SLC1A6: variants seen among roughly 807,000 people sequenced by gnomAD.
SLC1A6 encodes the protein solute carrier family 1 member 6, also known as excitatory amino acid transporter 4.
SLC1A6 carries 15 observed loss-of-function variants against 42.1 expected under a neutral mutation model. The observed-to-expected ratio is 0.36, with a 90% CI of 0.24 to 0.55. The LOEUF is 0.55. Ranked by LOEUF, SLC1A6 falls within the 20% of genes least tolerant of loss-of-function variation. SLC1A6 has a pLI of 0.88. For missense variants in SLC1A6, 542 were observed against 772.5 expected (o/e 0.70, Z 3.54); for synonymous variants, 317 against 319.7 (o/e 0.99, Z 0.09).
intron 4 of SLC1A6, among the ~76,000 whole-genome samples, chr19:14,967,276 C>G (rs2045585271): frequency 6.6e-6 from 1 of 152,124 alleles, no homozygotes; most frequent in Non-Finnish European, 1.5e-5. Flanking sequence ...GAGCCTGTCC[C>G]CTTTGTCTCT....
chr19:14,984,409 T>C (rs2045782958), upstream of SLC1A6, among the ~76,000 whole-genome samples: 1 of 152,190 alleles, frequency 6.6e-6, no homozygotes, highest in South Asian at 2.1e-4. Flanking sequence ...CTGTATCTGC[T>C]TCTGCATTGA....
rs768996035 is a variant in SLC1A6, at chr19:14,971,829, C to T, written c.251G>A (p.Arg84His). The T allele has an allele frequency of 2.5e-5, 40 of 1,614,020 alleles. No individual in the cohort carries two copies. The highest frequency in any genetic ancestry group is 3.2e-5 in the Non-Finnish European group (38 of 1,180,018). ...FALRPYQLTY[R>H]QIKYFSFPGE... is the part of the protein sequence containing the mutation. ...AGGAAAAGAGAAGTACTTGATCTGG[C>T]GGTAGGTGAGCTGATATGGGCGCAG... Residue 84 changes from arginine to histidine, a missense_variant, in exon 3 of 10, where the codon CGC (arginine) becomes CAC (histidine). Arg to His is a conservative substitution (Grantham distance 29, BLOSUM62 0). Transcript: ENST00000594383.
intron 3 of SLC1A6, among the ~76,000 whole-genome samples, chr19:14,968,902 C>T (rs1021568356): frequency 2.6e-5 from 4 of 151,496 alleles, no homozygotes; most frequent in Admixed American, 2.0e-4. Flanking sequence ...TGCAATGGTG[C>T]GATCTCAGCT....
chr19:15,004,735 G>A (rs1224438002), intron 1 of SLC1A6, among the ~76,000 whole-genome samples: 5 of 151,696 alleles, frequency 3.3e-5, no homozygotes, highest in Non-Finnish European at 7.4e-5. Context: ...ATTTCATTAT[G>A]TTTCCCATAT....
At chr19:15,004,520 T>TA (rs1424567104) in intron 1 of SLC1A6, among the ~76,000 whole-genome samples, 1 of 117,674 alleles carries the variant, frequency 8.5e-6, no homozygotes, top group Non-Finnish European at 1.7e-5. Flanking sequence ...CTGGGCAACA[T>TA]AGCAAGACCT....
chr19:14,963,584 A>G (rs146486743), intron 5 of SLC1A6, among the ~76,000 whole-genome samples: 134 of 152,358 alleles, frequency 8.8e-4, no homozygotes, highest in Non-Finnish European at 1.5e-3. Context: ...CTTTGTGTGA[A>G]TTTGAACATA....
chr19:14,954,975 A>G (rs1421540453), intron 7 of SLC1A6, among the ~76,000 whole-genome samples: 3 of 152,176 alleles, frequency 2.0e-5, no homozygotes, highest in African/African-American at 7.2e-5. Flanking sequence ...TTGCACCAGC[A>G]TTGACCTCAG....
intron 6 of SLC1A6, among the ~76,000 whole-genome samples, chr19:14,959,018 C>T (rs1388185528): frequency 6.6e-6 from 1 of 152,174 alleles, no homozygotes; most frequent in Non-Finnish European, 1.5e-5. Flanking sequence ...CTTTTAAAGA[C>T]TAACTTCCTT....
chr19:15,009,652 G>A (rs372423135), intron 1 of SLC1A6, among the ~76,000 whole-genome samples: 3 of 152,076 alleles, frequency 2.0e-5, no homozygotes, highest in Admixed American at 6.6e-5. Context: ...CTACCTATTG[G>A]CTACAATGTA....
chr19:14,987,013 A>T (rs1205448373), intron 1 of SLC1A6, among the ~76,000 whole-genome samples: 2 of 152,170 alleles, frequency 1.3e-5, no homozygotes, highest in Non-Finnish European at 2.9e-5. Flanking sequence ...ATGAGTGCAT[A>T]GACTAACACA....
intron 3 of SLC1A6, among the ~76,000 whole-genome samples, chr19:14,969,805 G>A (rs181697031): frequency 1.4e-4 from 22 of 152,228 alleles, no homozygotes; most frequent in Non-Finnish European, 2.9e-4. Flanking sequence ...AAGTTTTATT[G>A]GAACACAACC....
intron 1 of SLC1A6, among the ~76,000 whole-genome samples, chr19:15,003,701 G>C (rs1481709401): frequency 6.7e-6 from 1 of 149,894 alleles, no homozygotes; most frequent in Non-Finnish European, 1.5e-5. Context: ...AAAAAGGCTA[G>C]AAGTTTTAGA....
chr19:14,954,203 G>A lies in SLC1A6; in HGVS notation c.1296C>T (p.Ala432=). The A allele has an allele frequency of 6.2e-7, 1 of 1,614,094 alleles. No individual in the cohort carries two copies. The highest frequency in any genetic ancestry group is 8.5e-7 in the Non-Finnish European group (1 of 1,180,000). Residue 432 remains alanine (A), a synonymous_variant, in exon 8 of 10, where the codon GCC becomes GCT. Transcript: ENST00000594383. ...CTTGAGCAATGAAGATGGCAGCCAG[G>A]GCCTCGTAGAGGGCAGTGCCATCCA... The part of the protein sequence containing the change: ...VNMDGTALYE[A]LAAIFIAQVN...
At chr19:15,003,801 G>T (rs945237594) in intron 1 of SLC1A6, among the ~76,000 whole-genome samples, 2 of 152,014 alleles carry the variant, frequency 1.3e-5, no homozygotes, top group Non-Finnish European at 2.9e-5. Context: ...TCAGTATATA[G>T]AACAGGTGGC....
chr19:14,983,477 G>A (rs947769848), upstream of SLC1A6, among the ~76,000 whole-genome samples: 2 of 151,894 alleles, frequency 1.3e-5, no homozygotes, highest in African/African-American at 4.8e-5. Context: ...CTTGAGCCCA[G>A]GAGTTTGAGA....
intron 1 of SLC1A6, among the ~76,000 whole-genome samples, chr19:15,008,028 C>T (rs1044820867): frequency 3.1e-5 from 4 of 128,742 alleles, no homozygotes; most frequent in Non-Finnish European, 6.5e-5. Flanking sequence ...TCTGCCCCCC[C>T]CCCAAAAAAA....
At chr19:14,960,747 T>A (rs1438133380) in intron 6 of SLC1A6, among the ~76,000 whole-genome samples, 1 of 152,142 alleles carries the variant, frequency 6.6e-6, no homozygotes, top group African/African-American at 2.4e-5. Context: ...GGGAGTAAAA[T>A]GGTGGTTACC....
chr19:14,998,746 T>A (rs1221285101), intron 1 of SLC1A6, among the ~76,000 whole-genome samples: 2 of 152,122 alleles, frequency 1.3e-5, no homozygotes, highest in Non-Finnish European at 2.9e-5. Flanking sequence ...AGCTGTCTCT[T>A]GTGAGGAAAA....
At chr19:14,965,113 G>A (rs542623921) in intron 4 of SLC1A6, among the ~76,000 whole-genome samples, 10 of 151,766 alleles carry the variant, frequency 6.6e-5, no homozygotes, top group African/African-American at 1.9e-4. Context: ...TCCACCTCCC[G>A]GGTTCAAGCA....
Sources: allele counts gnomAD v4.1 joint callset (sites outside exome capture counted in the v4.1 genomes callset), GRCh38; gene constraint gnomAD v4.1.1; transcripts MANE v1.5; gene names NCBI Gene and HGNC (gene_info 2026-07-23, HGNC 2026-07-21).